Variants in AFG1L observed in about 807,000 individuals in gnomAD.
The protein encoded by AFG1L is AFG1 like ATPase, also known as AFG1-like ATPase.
A neutral mutation model predicts 62.2 loss-of-function variants in AFG1L; 53 were observed. That is an observed-to-expected ratio of 0.85 (90% CI 0.68 to 1.07). AFG1L has a LOEUF of 1.07. AFG1L is among the 50% of genes least tolerant of loss of function. AFG1L has a pLI of 0.00. For synonymous variants in AFG1L, 228 were observed against 210.3 expected (o/e 1.08, Z -0.73); for missense variants, 555 against 590.5 (o/e 0.94, Z 0.62).
intron 7 of AFG1L, among the ~76,000 whole-genome samples, chr6:108,443,819 G>GCT (rs1176276013): frequency 5.3e-5 from 8 of 151,596 alleles, no homozygotes; most frequent in African/African-American, 1.9e-4. Context: ...AGGTTGCAGT[G>GCT]AGCCAAGATC....
At chr6:108,346,020 C>T (rs1778849398) in intron 2 of AFG1L, among the ~76,000 whole-genome samples, 1 of 152,166 alleles carries the variant, frequency 6.6e-6, no homozygotes, top group Admixed American at 6.5e-5. Context: ...AAGGGAAAGA[C>T]TACATGGCTG....
At chr6:108,395,156 A>G (rs953474093) in intron 6 of AFG1L, among the ~76,000 whole-genome samples, 2 of 152,140 alleles carry the variant, frequency 1.3e-5, no homozygotes, top group East Asian at 3.8e-4. Context: ...GCTTATGCAA[A>G]TACTTTGCTT....
intron 10 of AFG1L, among the ~76,000 whole-genome samples, chr6:108,505,883 G>T (rs191103831): frequency 8.3e-4 from 127 of 152,304 alleles, no homozygotes; most frequent in Non-Finnish European, 1.6e-3. Context: ...AGAAGGAGAA[G>T]AGAAAGGGAA....
intron 7 of AFG1L, among the ~76,000 whole-genome samples, chr6:108,441,712 A>AAAAAAAAAAAT (rs1401294615): frequency 4.3e-5 from 6 of 139,484 alleles, no homozygotes; most frequent in African/African-American, 1.7e-4. Flanking sequence ...AAAAAAAAAA[A>AAAAAAAAAAAT]ATATATATAT....
At chr6:108,327,508 C>T (rs982065677) in intron 2 of AFG1L, among the ~76,000 whole-genome samples, 2 of 152,210 alleles carry the variant, frequency 1.3e-5, no homozygotes, top group South Asian at 4.1e-4. Flanking sequence ...TATTCTTGGA[C>T]AGCTGTCTTT....
At chr6:108,511,802 T>C (rs1377149813) in intron 11 of AFG1L, among the ~76,000 whole-genome samples, 1 of 152,214 alleles carries the variant, frequency 6.6e-6, no homozygotes, top group Non-Finnish European at 1.5e-5. Flanking sequence ...TTTCATTTGC[T>C]CATTCATTCT....
intron 6 of AFG1L, among the ~76,000 whole-genome samples, chr6:108,370,630 T>G (rs557355220): frequency 6.6e-6 from 1 of 151,998 alleles, no homozygotes; most frequent in South Asian, 2.1e-4. Context: ...AAGGATAGAT[T>G]TGAGAGAGAT....
At chr6:108,441,355 T>G (rs1463863650) in intron 7 of AFG1L, among the ~76,000 whole-genome samples, 1 of 152,194 alleles carries the variant, frequency 6.6e-6, no homozygotes, top group African/African-American at 2.4e-5. Flanking sequence ...ATGAGTATGC[T>G]CAGAAGGGTG....
chr6:108,441,712 A>AAAAAAATATATAT (rs1401294615), intron 7 of AFG1L, among the ~76,000 whole-genome samples: 4 of 139,486 alleles, frequency 2.9e-5, no homozygotes, highest in South Asian at 4.6e-4. Flanking sequence ...AAAAAAAAAA[A>AAAAAAATATATAT]ATATATATAT....
chr6:108,337,914 A>C (rs1283358910), intron 2 of AFG1L, among the ~76,000 whole-genome samples: 1 of 152,182 alleles, frequency 6.6e-6, no homozygotes, highest in East Asian at 1.9e-4. Flanking sequence ...ATTTCACTGC[A>C]GTGGCTCATG....
chr6:108,320,830 A>G (rs981548185), intron 1 of AFG1L, among the ~76,000 whole-genome samples: 30 of 152,114 alleles, frequency 2.0e-4, no homozygotes, highest in African/African-American at 7.2e-4. Context: ...ATTAGAGAGT[A>G]TTTCGCATAC....
chr6:108,428,907 T>C (rs1257964476), intron 7 of AFG1L, among the ~76,000 whole-genome samples: 1 of 152,244 alleles, frequency 6.6e-6, no homozygotes, highest in Non-Finnish European at 1.5e-5. Context: ...TTATTTCCTT[T>C]GCTGTTTAGA....
chr6:108,397,675 G>A (rs1781382064), intron 6 of AFG1L, among the ~76,000 whole-genome samples: 1 of 151,380 alleles, frequency 6.6e-6, no homozygotes, highest in African/African-American at 2.4e-5. Context: ...TAATTGTTTT[G>A]ACTTTCAGAT....
At chr6:108,522,104 G>A in intron 12 of AFG1L, 193 bp from the exon 13 acceptor site, 1 of 379,186 alleles carries the variant, frequency 2.6e-6, no homozygotes, top group Non-Finnish European at 4.8e-6. Context: ...ATAATTTGAT[G>A]TGTTTACTGC....
At chr6:108,445,631 GGT>G (rs1272069844) in intron 7 of AFG1L, among the ~76,000 whole-genome samples, 6 of 110,408 alleles carry the variant, frequency 5.4e-5, no homozygotes, top group Admixed American at 1.9e-4. Context: ...GGACACCTAA[GGT>G]GAGAGAGAGA....
At chr6:108,404,725 A>G (rs1781775718) in intron 7 of AFG1L, among the ~76,000 whole-genome samples, 1 of 151,416 alleles carries the variant, frequency 6.6e-6, no homozygotes, top group Non-Finnish European at 1.5e-5. Context: ...TAATTATTTT[A>G]TTTATTTATT....
At chr6:108,344,986 C>CT (rs1778812186) in intron 2 of AFG1L, 1 of 335,286 alleles carries the variant, frequency 3.0e-6, no homozygotes, top group South Asian at 2.3e-5. Flanking sequence ...CTCTGACAAG[C>CT]TTTTTTCCCT....
intron 7 of AFG1L, among the ~76,000 whole-genome samples, chr6:108,411,845 C>T (rs1217464702): frequency 3.3e-5 from 5 of 152,212 alleles, no homozygotes; most frequent in East Asian, 1.9e-4. Flanking sequence ...AAAATCAGAG[C>T]GCCTCTTCTC....
chr6:108,330,183 T>TTA (rs1554270730), intron 2 of AFG1L, among the ~76,000 whole-genome samples: 48 of 21,226 alleles, frequency 2.3e-3, no homozygotes, highest in Non-Finnish European at 0.014. Context: ...TCCTTTTTTA[T>TTA]TTTTTTTTTT....
Sources: gnomAD v4.1 joint callset for allele counts (sites outside exome capture counted in the v4.1 genomes callset) on GRCh38, gnomAD v4.1.1 for gene constraint, MANE v1.5 for transcripts, NCBI Gene and HGNC (gene_info 2026-07-23, HGNC 2026-07-21) for gene names.